The following BRI3BP variants were observed in gnomAD, a reference collection of about 807,000 sequenced individuals.
BRI3BP encodes the protein BRI3-binding protein.
Under a neutral mutation model 15.8 loss-of-function variants are expected in BRI3BP, and 7 were observed. The observed-to-expected ratio is 0.44, with a 90% CI of 0.25 to 0.83. BRI3BP has a LOEUF of 0.83. Ranked by LOEUF, BRI3BP falls within the 40% of genes least tolerant of loss-of-function variation. The pLI is 0.20. For synonymous variants in BRI3BP, 192 were observed against 163.5 expected, an observed-to-expected ratio of 1.17 and a Z score of -1.33; for missense variants, 320 against 339.3, an observed-to-expected ratio of 0.94 and a Z score of 0.45.
chr12:125,008,202 G>A (rs1955163476), intron 1 of BRI3BP, among the ~76,000 whole-genome samples: 2 of 151,924 alleles, frequency 1.3e-5, no homozygotes, highest in Non-Finnish European at 2.9e-5. Flanking sequence ...CTCTTCATGG[G>A]TGTGGTTCTG....
rs745623091 is a variant in BRI3BP, at chr12:125,025,475, C to G, written c.*45C>G. ...GTCCACAGTTACCAGCACGCTGTCT[C>G]AGAAAACGAAAACGGAGGAAAAAAA... On this transcript the variant is annotated 3_prime_UTR_variant, in exon 3 of 3. Transcript: ENST00000341446. 10 of 1,482,120 alleles carry G rather than the reference C, an allele frequency of 6.7e-6. No individual in the cohort carries two copies. The highest frequency in any genetic ancestry group is 8.1e-6 in the Non-Finnish European group (9 of 1,111,464). The allele number at this position is 1,482,120 out of a possible 1,614,324, so 91.8% of individuals were successfully genotyped here. A position where few individuals can be genotyped will look rare whatever the true frequency, so the allele number is the denominator to read the frequency against.
At chr12:125,031,808 G>T (rs981649286), downstream of BRI3BP, among the ~76,000 whole-genome samples, 2 of 152,030 alleles carry the variant, frequency 1.3e-5, no homozygotes, top group Non-Finnish European at 2.9e-5. Context: ...GATAACAGGC[G>T]TGAGCCATCA....
chr12:125,016,677 C>T (rs1227865762), intron 2 of BRI3BP, among the ~76,000 whole-genome samples: 22 of 151,834 alleles, frequency 1.4e-4, no homozygotes, highest in Admixed American at 1.4e-3. Flanking sequence ...AGGCATGCAC[C>T]ACCACACCCG....
At chr12:125,046,548 G>A in the BRI3BP span, among the ~76,000 whole-genome samples, 6 of 152,158 alleles carry the variant, frequency 3.9e-5, no homozygotes, top group African/African-American at 1.4e-4. Flanking sequence ...CTGGGCAACA[G>A]AGTGAGACTC....
the BRI3BP span, among the ~76,000 whole-genome samples, chr12:125,046,625 T>C: frequency 4.6e-5 from 7 of 152,206 alleles, no homozygotes; most frequent in African/African-American, 2.4e-5. Context: ...GAAATGGATC[T>C]GTATGCAGCC....
At chr12:125,015,041 G>A (rs10773134) in intron 2 of BRI3BP, among the ~76,000 whole-genome samples, 51,528 of 152,056 alleles carry the variant, frequency 0.34, 9,133 homozygotes, top group African/African-American at 0.45. Flanking sequence ...TGCTGAGATT[G>A]TAGGCGTGAG....
At position 124,993,834 on chromosome 12, in the gene BRI3BP, T is replaced by TG. The variant is rs1955016078; in HGVS notation, c.44_45insG (p.Leu16ProfsTer63). ...GGCGGGCCCCTGGCCCGGGCCGGGC[T>TG]CCTGCTGCTGCTGCTGCTGCTGCTG... is the stretch of plus-strand genomic sequence containing the variant. On this transcript the variant is annotated frameshift_variant, in exon 1 of 3. Transcript: ENST00000341446. LOFTEE classifies it high-confidence loss of function. 2 of 1,165,136 alleles carry TG rather than the reference T, an allele frequency of 1.7e-6. No homozygotes were observed. The highest frequency in any genetic ancestry group is 3.5e-5 in the African/African-American group (2 of 57,920). The allele number at this position is 1,165,136 out of a possible 1,614,324, so 72.2% of individuals were successfully genotyped here. A position where few individuals can be genotyped will look rare whatever the true frequency, so the allele number is the denominator to read the frequency against.
At position 125,028,686 on chromosome 12, in the gene BRI3BP, A is replaced by C. The variant is rs1246605110; in HGVS notation, c.*3256A>C. 6.6e-6 allele frequency: 1 copy of C among 152,176 alleles called. No homozygotes were observed. Among genetic ancestry groups the C allele is most frequent in the Non-Finnish European group, 1.5e-5 (1 of 68,026 alleles). 9.4% of individuals were successfully genotyped at this position (152,176 alleles called of 1,614,324 possible). A position where few individuals can be genotyped will look rare whatever the true frequency, so the allele number is the denominator to read the frequency against. On this transcript the variant is annotated 3_prime_UTR_variant, in exon 3 of 3. Coordinates refer to ENST00000341446, the MANE Select transcript of BRI3BP (RefSeq NM_080626.6). ...TAGAAATCCTAGATGCTAGATTTGA[A>C]GAAAACCTGGGTTTTATTGCATAGA...
chr12:125,022,541 A>ATTTTTTTTTTTTTTTTT (rs770844998), intron 2 of BRI3BP, among the ~76,000 whole-genome samples: 3 of 139,404 alleles, frequency 2.2e-5, no homozygotes, highest in Non-Finnish European at 3.0e-5. Flanking sequence ...TTATTTATTT[A>ATTTTTTTTTTTTTTTTT]TTTTTTGAGA....
At position 125,020,886 on chromosome 12, in the gene BRI3BP, A is replaced by G. The variant is rs546028535; in HGVS notation, c.317-4105A>G. Reference sequence around the variant, plus strand: ...CAGAGCAAGACTCTGTCTCAAATAAATAAATAAATAAATAATAAAATTTAA... The same window carrying G: ...CAGAGCAAGACTCTGTCTCAAATAAGTAAATAAATAAATAATAAAATTTAA... On this transcript the variant is annotated intron_variant, in intron 2 of 2. Coordinates refer to ENST00000341446, the MANE Select transcript of BRI3BP (RefSeq NM_080626.6). Among the ~76,000 whole-genome samples, 73 of 152,048 alleles carry G rather than the reference A, an allele frequency of 4.8e-4. 1 individual carries two copies. The South Asian group carries it at 0.014, about 30-fold the overall frequency.
At chr12:124,999,320 C>A (rs570134670) in intron 1 of BRI3BP, among the ~76,000 whole-genome samples, 1 of 152,190 alleles carries the variant, frequency 6.6e-6, no homozygotes, top group African/African-American at 2.4e-5. Flanking sequence ...CCCCCTTCCC[C>A]GAAGCAGCCA....
At chr12:125,037,203 G>A in the BRI3BP span, among the ~76,000 whole-genome samples, 1 of 152,120 alleles carries the variant, frequency 6.6e-6, no homozygotes, top group African/African-American at 2.4e-5. Flanking sequence ...GGGATTACAG[G>A]CACGTGCCAC....
At chr12:125,044,191 C>T in the BRI3BP span, among the ~76,000 whole-genome samples, 1 of 151,690 alleles carries the variant, frequency 6.6e-6, no homozygotes, top group South Asian at 2.1e-4. Context: ...CTCTCTCTGT[C>T]GCCCAGGCTA....
At chr12:125,020,135 A>C (rs536751609) in intron 2 of BRI3BP, among the ~76,000 whole-genome samples, 2 of 151,604 alleles carry the variant, frequency 1.3e-5, no homozygotes, top group African/African-American at 4.9e-5. Flanking sequence ...TAATAGAGAC[A>C]AGGTTTCGCC....
At chr12:125,012,724 A>T (rs1418262342) in intron 2 of BRI3BP, 88 bp downstream of exon 2, 1 of 1,049,818 alleles carries the variant, frequency 9.5e-7, no homozygotes, top group African/African-American at 1.6e-5. Context: ...TGAGTAATAC[A>T]TGAGAAGGTT....
At position 125,025,333 on chromosome 12, in the gene BRI3BP, TGGA is replaced by T. The variant is rs764581165; in HGVS notation, c.664_666del (p.Glu222del). 1.3e-6 allele frequency: 2 copies of T among 1,596,562 alleles called. No homozygotes were observed. The highest frequency in any genetic ancestry group is 8.6e-7 in the Non-Finnish European group (1 of 1,165,864). On this transcript the variant is annotated inframe_deletion, in exon 3 of 3. Coordinates refer to ENST00000341446, the MANE Select transcript of BRI3BP (RefSeq NM_080626.6). Reference sequence around the variant, plus strand: ...CCCAGCAACCCCAGCAACCCCAGCGTGGAGGAGAAGCTGGAGCACCTGGAGAAG... The same window carrying T: ...CCCAGCAACCCCAGCAACCCCAGCGTGGAGAAGCTGGAGCACCTGGAGAAG...
chr12:125,047,375 A>G, the BRI3BP span, among the ~76,000 whole-genome samples: 2,406 of 152,226 alleles, frequency 0.016, 62 homozygotes, highest in African/African-American at 0.055. Flanking sequence ...GGGTTTCACC[A>G]TATTAGCCAG....
In BRI3BP at chr12:125,026,363, A is replaced by G. The variant is rs985245151; in HGVS notation, c.*933A>G. 5 of 152,080 alleles carry G rather than the reference A, an allele frequency of 3.3e-5. No individual in the cohort carries two copies. Among genetic ancestry groups the G allele is most frequent in the African/African-American group, 1.2e-4 (5 of 41,412 alleles). 9.4% of individuals were successfully genotyped at this position (152,080 alleles called of 1,614,324 possible). ...ATTTCCTCAGGACCTTAGAGGGAAA[A>G]CAAACAGTAGCAGCTAATATTCTCA... On this transcript the variant is annotated 3_prime_UTR_variant, in exon 3 of 3. Coordinates refer to ENST00000341446, the MANE Select transcript of BRI3BP (RefSeq NM_080626.6).
the BRI3BP span, among the ~76,000 whole-genome samples, chr12:125,038,020 C>A: frequency 1.3e-5 from 2 of 151,978 alleles, no homozygotes; most frequent in East Asian, 3.9e-4. Flanking sequence ...TAGCCAGGCA[C>A]GGTGGCTCAT....
Sources: gnomAD v4.1 joint callset for allele counts (sites outside exome capture counted in the v4.1 genomes callset) on GRCh38, gnomAD v4.1.1 for gene constraint, MANE v1.5 for transcripts, NCBI Gene and HGNC (gene_info 2026-07-23, HGNC 2026-07-21) for gene names.